IGF1R: variants seen among roughly 807,000 people sequenced by gnomAD.
IGF1R encodes the protein insulin-like growth factor 1 receptor.
In IGF1R, 44 loss-of-function variants were observed where a neutral mutation model predicts 144.6. The observed-to-expected ratio is 0.30, with a 90% CI of 0.24 to 0.39. The LOEUF is 0.39. Ranked by LOEUF, IGF1R falls within the 10% of genes least tolerant of loss-of-function variation. The pLI is 1.00. For missense variants in IGF1R, 1,355 were observed against 1,833.7 expected, an observed-to-expected ratio of 0.74 and a Z score of 4.77; for synonymous variants, 795 against 722.8, an observed-to-expected ratio of 1.10 and a Z score of -1.60.
chr15:98,770,492 C>G (rs1473371629), intron 2 of IGF1R, among the ~76,000 whole-genome samples: 5 of 152,158 alleles, frequency 3.3e-5, no homozygotes, highest in Admixed American at 2.0e-4. Context: ...AGAAAGGATA[C>G]ATGTTTGAAA....
At chr15:98,852,123 A>C (rs934705494) in intron 2 of IGF1R, among the ~76,000 whole-genome samples, 1 of 152,266 alleles carries the variant, frequency 6.6e-6, no homozygotes, top group Non-Finnish European at 1.5e-5. Context: ...AAGACGAAGA[A>C]GAGGAGCCGA....
chr15:98,720,797 G>A (rs948353590), intron 2 of IGF1R, among the ~76,000 whole-genome samples: 2 of 152,166 alleles, frequency 1.3e-5, no homozygotes, highest in African/African-American at 4.8e-5. Flanking sequence ...AAATGCTGAT[G>A]TAACTCGATT....
At chr15:98,956,694 C>A (rs770472349) in intron 20 of IGF1R, among the ~76,000 whole-genome samples, 2 of 152,260 alleles carry the variant, frequency 1.3e-5, no homozygotes, top group Non-Finnish European at 2.9e-5. Flanking sequence ...GCAGTGCCTG[C>A]ATGAGACGCC....
chr15:98,904,049 ATTTTTTTT>A (rs35759630), intron 5 of IGF1R, among the ~76,000 whole-genome samples: 2 of 103,792 alleles, frequency 1.9e-5, no homozygotes, highest in Admixed American at 9.8e-5. Context: ...TGATGGGTGA[ATTTTTTTT>A]TTTTTTTTTT....
At chr15:98,859,581 G>GT (rs548761144) in intron 2 of IGF1R, among the ~76,000 whole-genome samples, 2 of 152,196 alleles carry the variant, frequency 1.3e-5, no homozygotes, top group Non-Finnish European at 2.9e-5. Flanking sequence ...AAAATGAAAA[G>GT]TAACTTTACT....
At chr15:98,710,970 CTT>C (rs2053978653) in intron 2 of IGF1R, among the ~76,000 whole-genome samples, 1 of 152,026 alleles carries the variant, frequency 6.6e-6, no homozygotes, top group African/African-American at 2.4e-5. Context: ...ATGCCCGACT[CTT>C]TTTAATTCTT....
At chr15:98,843,785 T>A (rs897306747) in intron 2 of IGF1R, among the ~76,000 whole-genome samples, 11 of 152,192 alleles carry the variant, frequency 7.2e-5, no homozygotes, top group African/African-American at 2.7e-4. Context: ...TCACCATAAG[T>A]AGTAGTCTAT....
At chr15:98,750,843 A>G (rs775503806) in intron 2 of IGF1R, among the ~76,000 whole-genome samples, 1 of 151,740 alleles carries the variant, frequency 6.6e-6, no homozygotes, top group African/African-American at 2.4e-5. Flanking sequence ...TTGGAGTGCA[A>G]TGGCGTGATC....
chr15:98,943,200 A>G (rs41472951), intron 19 of IGF1R, 148 bp downstream of exon 19: 34,148 of 901,548 alleles, frequency 0.038, 1,036 homozygotes, highest in African/African-American at 0.13. Context: ...CTTCTTCATC[A>G]TTGAGGTGTT....
intron 2 of IGF1R, among the ~76,000 whole-genome samples, chr15:98,721,066 G>T (rs533936055): frequency 6.6e-6 from 1 of 152,254 alleles, no homozygotes; most frequent in African/African-American, 2.4e-5. Flanking sequence ...TTCGGCATCT[G>T]GGTTTGGTGT....
chr15:98,913,312 C>T (rs2015105899), intron 8 of IGF1R, 30 bp downstream of exon 8: 1 of 1,552,630 alleles, frequency 6.4e-7, no homozygotes, highest in Non-Finnish European at 8.9e-7. Context: ...CCCCCAGCAT[C>T]CACACTTCTT....
intron 1 of IGF1R, among the ~76,000 whole-genome samples, chr15:98,676,495 A>T (rs532336092): frequency 6.6e-6 from 1 of 152,194 alleles, no homozygotes; most frequent in South Asian, 2.1e-4. Flanking sequence ...TGGTAAAATC[A>T]TTTTGTCTTA....
chr15:98,959,952 T>C lies in IGF1R; in HGVS notation c.*2510T>C, dbSNP rs1048620913. ...CACTGTAGAAAAGCCCCATTATGAA[T>C]TTAAATTTCAAGGAAAGGGTGTGTG... On this transcript the variant is annotated 3_prime_UTR_variant, in exon 21 of 21. Coordinates refer to ENST00000650285, the MANE Select transcript of IGF1R (RefSeq NM_000875.5). 3 of 228,672 alleles carry C rather than the reference T, an allele frequency of 1.3e-5. No homozygotes were observed. The Admixed American group carries it at 1.8e-4, about 14-fold the overall frequency. 14.2% of individuals were successfully genotyped at this position (228,672 alleles called of 1,614,324 possible). A position where few individuals can be genotyped will look rare whatever the true frequency, so the allele number is the denominator to read the frequency against.
chr15:98,666,241 A>G lies in IGF1R; in HGVS notation c.94+16566A>G, dbSNP rs74662533. Among the ~76,000 whole-genome samples, 1,048 of 152,172 alleles carry G rather than the reference A, an allele frequency of 6.9e-3. 5 individuals are homozygous for G. Among genetic ancestry groups the G allele is most frequent in the South Asian group, 0.022 (107 of 4,814 alleles). On this transcript the variant is annotated intron_variant, in intron 1 of 20. Coordinates refer to ENST00000650285, the MANE Select transcript of IGF1R (RefSeq NM_000875.5). ...AGCAAGCATAGGCCAGGATGTGGAGATGTTGGAACCCTTGTGCCTTACTGG... is the reference window on the plus strand; with the variant it reads ...AGCAAGCATAGGCCAGGATGTGGAGGTGTTGGAACCCTTGTGCCTTACTGG...
At chr15:98,804,676 C>T (rs2056434032) in intron 2 of IGF1R, among the ~76,000 whole-genome samples, 1 of 152,156 alleles carries the variant, frequency 6.6e-6, no homozygotes, top group African/African-American at 2.4e-5. Flanking sequence ...CAGAAAATAC[C>T]TGCTAATCCG....
intron 3 of IGF1R, among the ~76,000 whole-genome samples, chr15:98,894,368 C>T (rs1168014264): frequency 6.6e-6 from 1 of 152,188 alleles, no homozygotes; most frequent in Admixed American, 6.5e-5. Context: ...AATATGTACA[C>T]CATCGTCCAT....
intron 2 of IGF1R, among the ~76,000 whole-genome samples, chr15:98,793,425 G>C (rs1385038999): frequency 6.6e-6 from 1 of 152,204 alleles, no homozygotes; most frequent in Non-Finnish European, 1.5e-5. Flanking sequence ...TCCTGTTACT[G>C]TTATCACTGT....
intron 2 of IGF1R, among the ~76,000 whole-genome samples, chr15:98,755,718 CAAAAAAAAAAAAAAAAA>C (rs56121011): frequency 2.8e-3 from 96 of 34,510 alleles, no homozygotes; most frequent in African/African-American, 0.011. Flanking sequence ...AACTCCATTG[CAAAAAAAAAAAAAAAAA>C]AAAAAAAAAA....
At chr15:98,784,580 G>T (rs2055943518) in intron 2 of IGF1R, 1 of 154,018 alleles carries the variant, frequency 6.5e-6, no homozygotes, top group Admixed American at 6.6e-5. Flanking sequence ...TCCAGTTTGT[G>T]AACATTCTTT....
Sources: gnomAD v4.1 joint callset for allele counts (sites outside exome capture counted in the v4.1 genomes callset) on GRCh38, gnomAD v4.1.1 for gene constraint, MANE v1.5 for transcripts, NCBI Gene and HGNC (gene_info 2026-07-23, HGNC 2026-07-21) for gene names.